MS4A10: variants seen among roughly 807,000 people sequenced by gnomAD.
MS4A10 encodes the protein membrane spanning 4-domains A10.
In MS4A10, 27 loss-of-function variants were observed where a neutral mutation model predicts 27.7. The observed-to-expected ratio is 0.98, with a 90% confidence interval of 0.72 to 1.35. The LOEUF (loss-of-function observed/expected upper bound fraction) is 1.35, where lower values mean the gene tolerates loss of function less well. Among genes scored for constraint, MS4A10 ranks in the 40% most tolerant of loss-of-function variants. The pLI is 0.00. For synonymous variants in MS4A10, 139 were observed against 131.2 expected (o/e 1.06, Z -0.41); for missense variants, 338 against 324.7 (o/e 1.04, Z -0.32).
At chr11:60,789,246 T>G (rs1259604313) in intron 1 of MS4A10, among the ~76,000 whole-genome samples, 1 of 152,218 alleles carries the variant, frequency 6.6e-6, no homozygotes, top group Non-Finnish European at 1.5e-5. Flanking sequence ...AGCCTCTCTC[T>G]CTCAAGGATT....
chr11:60,791,245 C>T (rs1854426027), intron 3 of MS4A10, 152 bp downstream of exon 3: 1 of 1,014,254 alleles, frequency 9.9e-7, no homozygotes, highest in South Asian at 1.7e-5. Context: ...CCTAGCTCTG[C>T]TTCTTTTATC....
At chr11:60,796,549 G>T (rs1176085097) in intron 6 of MS4A10, among the ~76,000 whole-genome samples, 1 of 152,156 alleles carries the variant, frequency 6.6e-6, no homozygotes, top group Non-Finnish European at 1.5e-5. Context: ...GCCTCCCAAA[G>T]TGCTGGGATT....
In MS4A10 at chr11:60,790,399, C is replaced by T. The variant is rs1246267864; in HGVS notation, c.64C>T (p.Leu22Phe). 3.7e-6 allele frequency: 6 copies of T among 1,614,080 alleles called. No homozygotes were observed. The highest frequency in any genetic ancestry group is 5.1e-6 in the Non-Finnish European group (6 of 1,180,044). The change falls in exon 2 of 8, where the codon CTC (leucine) becomes TTC (phenylalanine). Residue 22 changes from leucine (L) to phenylalanine (F), a missense_variant. Physicochemically the swap from Leu to Phe is conservative, Grantham distance 22. Coordinates refer to ENST00000308287, the MANE Select transcript of MS4A10 (RefSeq NM_206893.4). ...TAGGGGGCTCCCATCATGGCAAGTC[C>T]TCAGCCCAGTCCAGCCCTGGCAGAC... ...CARGLPSWQVLSPVQPWQTSA... is the reference protein window; with the variant it reads ...CARGLPSWQVFSPVQPWQTSA...
intron 6 of MS4A10, among the ~76,000 whole-genome samples, chr11:60,796,100 GAGTTTGGC>G: frequency 6.6e-6 from 1 of 152,132 alleles, no homozygotes; most frequent in East Asian, 1.9e-4. Context: ...GGTGTGTGTG[GAGTTTGGC>G]TGTAGTGGAA....
chr11:60,795,979 A>G (rs1422941249), intron 6 of MS4A10, among the ~76,000 whole-genome samples: 3 of 152,130 alleles, frequency 2.0e-5, no homozygotes, highest in African/African-American at 7.2e-5. Context: ...GCCCATGATG[A>G]CCGGGCAGGA....
intron 6 of MS4A10, 150 bp downstream of exon 6, chr11:60,795,815 G>A (rs530027214): frequency 1.1e-5 from 5 of 476,098 alleles, no homozygotes; most frequent in Admixed American, 4.4e-5. Flanking sequence ...GACAGCCCAC[G>A]ATCCAGTAGG....
chr11:60,786,109 A>T (rs752304855), intron 1 of MS4A10, among the ~76,000 whole-genome samples: 4 of 151,488 alleles, frequency 2.6e-5, no homozygotes, highest in African/African-American at 9.7e-5. Context: ...CACTCTTGTC[A>T]CTCAGCACCT....
intron 1 of MS4A10, among the ~76,000 whole-genome samples, chr11:60,786,157 ATG>A (rs1854331236): frequency 2.0e-5 from 3 of 149,338 alleles, no homozygotes; most frequent in Admixed American, 6.7e-5. Flanking sequence ...ATGCATGCAC[ATG>A]CATGCACACA....
chr11:60,796,430 G>A (rs1268131582), intron 6 of MS4A10, among the ~76,000 whole-genome samples: 1 of 152,106 alleles, frequency 6.6e-6, no homozygotes, highest in Non-Finnish European at 1.5e-5. Context: ...CTACAGGCAT[G>A]TGCCACCATA....
At chr11:60,793,053 A>G (rs1854458090) in intron 4 of MS4A10, among the ~76,000 whole-genome samples, 1 of 152,170 alleles carries the variant, frequency 6.6e-6, no homozygotes, top group African/African-American at 2.4e-5. Context: ...GATGGAAGGA[A>G]CATCCCTGCA....
chr11:60,788,860 G>A (rs1322849034), intron 1 of MS4A10, among the ~76,000 whole-genome samples: 1 of 152,184 alleles, frequency 6.6e-6, no homozygotes, highest in East Asian at 1.9e-4. Flanking sequence ...CTTCCTCACT[G>A]TGTGACCATG....
intron 5 of MS4A10, among the ~76,000 whole-genome samples, chr11:60,794,837 A>T (rs1854498315): frequency 6.6e-6 from 1 of 151,994 alleles, no homozygotes; most frequent in Non-Finnish European, 1.5e-5. Context: ...CACAGCCACC[A>T]CCACGCCAGG....
At position 60,794,060 on chromosome 11, in the gene MS4A10, G is replaced by A. The variant is rs771394937; in HGVS notation, c.449G>A (p.Ser150Asn). 12 of 1,614,056 alleles carry A rather than the reference G, an allele frequency of 7.4e-6. No individual in the cohort carries two copies. The Admixed American group carries it at 1.5e-4, about 20-fold the overall frequency. The part of the protein sequence containing the change: ...FVISKDLFLE[S>N]PFESPIWRMY... The stretch of plus-strand genomic sequence containing the variant: ...ATCTCCAAGGATCTCTTTCTGGAGA[G>A]CCCATTTGAGTCCCCGATCTGGAGA... The change falls in exon 5 of 8, where the codon AGC (serine) becomes AAC (asparagine). Residue 150 changes from serine (S) to asparagine (N), a missense_variant. Physicochemically the swap from Ser to Asn is conservative, Grantham distance 46. Transcript: ENST00000308287.
chr11:60,788,170 C>T (rs1412022960), intron 1 of MS4A10, among the ~76,000 whole-genome samples: 2 of 152,132 alleles, frequency 1.3e-5, no homozygotes, highest in Non-Finnish European at 2.9e-5. Flanking sequence ...AGAGGCTAAC[C>T]ATGGTTTCTC....
At chr11:60,798,103 C>T (rs973206945) in intron 6 of MS4A10, among the ~76,000 whole-genome samples, 12 of 152,252 alleles carry the variant, frequency 7.9e-5, no homozygotes, top group Non-Finnish European at 1.8e-4. Flanking sequence ...CCTCAGGAAA[C>T]CCAACAGGGT....
intron 3 of MS4A10, 55 bp downstream of exon 3, chr11:60,791,148 G>A: frequency 6.2e-7 from 1 of 1,603,326 alleles, no homozygotes; most frequent in South Asian, 1.1e-5. Context: ...GCAGGCCTGG[G>A]AGGCCCTGGC....
intron 5 of MS4A10, among the ~76,000 whole-genome samples, chr11:60,794,383 C>A (rs1368721268): frequency 6.6e-6 from 1 of 152,216 alleles, no homozygotes; most frequent in East Asian, 1.9e-4. Context: ...AGCAACTTGA[C>A]GGCAAATCCA....
At position 60,800,766 on chromosome 11, in the gene MS4A10, T is replaced by A. The variant is rs948701112; in HGVS notation, c.*857T>A. 1 of 150,504 alleles carries A rather than the reference T, an allele frequency of 6.6e-6. No homozygotes were observed. The highest frequency in any genetic ancestry group is 2.4e-5 in the African/African-American group (1 of 40,938). 9.3% of individuals were successfully genotyped at this position (150,504 alleles called of 1,614,324 possible). A position where few individuals can be genotyped will look rare whatever the true frequency, so the allele number is the denominator to read the frequency against. On this transcript the variant is annotated 3_prime_UTR_variant, in exon 8 of 8. Transcript: ENST00000308287. ...CGGCAGAGAGAGCCATGCAAATGTT[T>A]AGGACAACCCAGTCTTTCTTTTTTT...
intron 2 of MS4A10, 107 bp from the exon 3 acceptor site, chr11:60,790,867 G>A: frequency 1.4e-6 from 2 of 1,462,320 alleles, no homozygotes; most frequent in African/African-American, 2.8e-5. Flanking sequence ...GGATCCCTAA[G>A]AGGACAGAAG....
Sources: gnomAD v4.1 joint callset for allele counts (sites outside exome capture counted in the v4.1 genomes callset) on GRCh38, gnomAD v4.1.1 for gene constraint, MANE v1.5 for transcripts, NCBI Gene and HGNC (gene_info 2026-07-23, HGNC 2026-07-21) for gene names.